The following WDFY2 variants were observed in gnomAD, a reference collection of about 807,000 sequenced individuals.
WDFY2 encodes WD repeat and FYVE domain containing 2, also known as WD repeat and FYVE domain-containing protein 2.
In WDFY2, 36 loss-of-function variants were observed where a neutral mutation model predicts 56.4. The observed-to-expected ratio is 0.64, with a 90% CI of 0.49 to 0.84. The LOEUF is 0.84. WDFY2 is among the 40% of genes least tolerant of loss of function. The pLI, the probability that WDFY2 is intolerant of heterozygous loss-of-function variation, is 0.00. For synonymous variants in WDFY2, 176 were observed against 183.7 expected (o/e 0.96, Z 0.34); for missense variants, 444 against 512.2 (o/e 0.87, Z 1.29).
intron 1 of WDFY2, among the ~76,000 whole-genome samples, chr13:51,658,892 C>G (rs150541216): frequency 6.6e-6 from 1 of 151,950 alleles, no homozygotes; most frequent in Non-Finnish European, 1.5e-5. Flanking sequence ...TTGGTCTAGT[C>G]TTTTTCCTAC....
At position 51,695,431 on chromosome 13, in the gene WDFY2, G is replaced by A. The variant is rs965244457; in HGVS notation, c.280-8165G>A. Among the ~76,000 whole-genome samples, 8 of 152,294 alleles carry A rather than the reference G, an allele frequency of 5.3e-5. 1 individual carries two copies. The South Asian group carries it at 6.2e-4, about 12-fold the overall frequency. Reference sequence around the variant, plus strand: ...GACCCTCAGCTGTATGTCTGTTGGAGTTTGCTAGAGGTCCACTCCAGACCC... The same window carrying A: ...GACCCTCAGCTGTATGTCTGTTGGAATTTGCTAGAGGTCCACTCCAGACCC... On this transcript the variant is annotated intron_variant, in intron 3 of 11. Coordinates refer to ENST00000298125, the MANE Select transcript of WDFY2 (RefSeq NM_052950.4).
At chr13:51,629,267 A>G (rs756918140) in intron 1 of WDFY2, among the ~76,000 whole-genome samples, 1 of 152,214 alleles carries the variant, frequency 6.6e-6, no homozygotes, top group Admixed American at 6.5e-5. Flanking sequence ...ATGTAGATAG[A>G]TTACAGTAGA....
intron 1 of WDFY2, among the ~76,000 whole-genome samples, chr13:51,604,896 T>C (rs979545150): frequency 1.3e-5 from 2 of 152,208 alleles, no homozygotes; most frequent in African/African-American, 2.4e-5. Context: ...TACTGAGAGG[T>C]AGCATAGTTC....
At position 51,758,028 on chromosome 13, in the gene WDFY2, A is replaced by G. The variant is rs537711341; in HGVS notation, c.1065-164A>G. On this transcript the variant is annotated intron_variant, in intron 10 of 11. Transcript: ENST00000298125. The stretch of plus-strand genomic sequence containing the variant: ...ATAAGATTTCTTGTATTTTTTTTTT[A>G]TCATAACTGGTCACCAGGGAATAAA... 2.7e-5 allele frequency among the ~76,000 whole-genome samples: 4 copies of G among 150,496 alleles called. No homozygotes were observed. In the East Asian group the frequency reaches 7.8e-4, roughly 30 times the overall value.
At position 51,663,929 on chromosome 13, in the gene WDFY2, TTTATTAAAATGAC is replaced by T. The variant is rs1206292346; in HGVS notation, c.205+3272_205+3284del. Among the ~76,000 whole-genome samples the T allele has an allele frequency of 2.6e-4, 39 of 152,242 alleles. 1 individual carries two copies. Among genetic ancestry groups the T allele is most frequent in the African/African-American group, 7.5e-4 (31 of 41,462 alleles). ...AAATAAAAAGAAAATATTCTGTGCA[TTTATTAAAATGAC>T]TTATTTGTTAATTTTGTCCATTAAA... On this transcript the variant is annotated intron_variant, in intron 2 of 11. Coordinates refer to ENST00000298125, the MANE Select transcript of WDFY2 (RefSeq NM_052950.4).
chr13:51,757,378 G>T (rs1029379907), intron 10 of WDFY2, among the ~76,000 whole-genome samples: 8 of 151,952 alleles, frequency 5.3e-5, no homozygotes, highest in African/African-American at 1.9e-4. Context: ...TTACAGTTAA[G>T]CCTAAATCTT....
At chr13:51,712,840 TTA>T (rs1367037758) in intron 4 of WDFY2, among the ~76,000 whole-genome samples, 1 of 152,032 alleles carries the variant, frequency 6.6e-6, no homozygotes, top group Non-Finnish European at 1.5e-5. Context: ...ATATGTAATA[TTA>T]TGAACAACTT....
intron 1 of WDFY2, among the ~76,000 whole-genome samples, chr13:51,628,331 C>T (rs137981550): frequency 6.6e-5 from 10 of 152,368 alleles, no homozygotes; most frequent in Admixed American, 4.6e-4. Context: ...GACCATGTCA[C>T]GGCAGTGCCT....
At chr13:51,637,274 G>A (rs141665541) in intron 1 of WDFY2, among the ~76,000 whole-genome samples, 1 of 152,154 alleles carries the variant, frequency 6.6e-6, no homozygotes, top group East Asian at 1.9e-4. Flanking sequence ...AGGGGATGGG[G>A]CAATGCAATG....
At chr13:51,646,215 G>A (rs61958304) in intron 1 of WDFY2, among the ~76,000 whole-genome samples, 1 of 152,162 alleles carries the variant, frequency 6.6e-6, no homozygotes, top group East Asian at 1.9e-4. Context: ...CCTCAGCATC[G>A]GTGGCCTTCT....
chr13:51,729,281 A>C (rs538832823), intron 6 of WDFY2, among the ~76,000 whole-genome samples: 1 of 151,822 alleles, frequency 6.6e-6, no homozygotes, highest in Middle Eastern at 3.4e-3. Flanking sequence ...GTTGCCTAAT[A>C]ATCCCTCTCC....
chr13:51,678,025 C>G (rs968828014), intron 3 of WDFY2, among the ~76,000 whole-genome samples: 1 of 152,152 alleles, frequency 6.6e-6, no homozygotes, highest in African/African-American at 2.4e-5. Flanking sequence ...CTTTTCTAAT[C>G]ATATAGCTCA....
intron 4 of WDFY2, among the ~76,000 whole-genome samples, chr13:51,715,573 A>T (rs1952326695): frequency 6.6e-6 from 1 of 152,112 alleles, no homozygotes; most frequent in Admixed American, 6.6e-5. Flanking sequence ...TTCCTGCAGG[A>T]CCTGCATGAG....
intron 1 of WDFY2, chr13:51,586,167 C>T (rs1304021930): frequency 2.5e-6 from 1 of 397,788 alleles, no homozygotes; most frequent in African/African-American, 2.1e-5. Context: ...TTGATTTTTT[C>T]CATAAAGGCA....
chr13:51,737,427 C>T (rs1952862580), intron 6 of WDFY2, among the ~76,000 whole-genome samples: 1 of 151,700 alleles, frequency 6.6e-6, no homozygotes, highest in Non-Finnish European at 1.5e-5. Context: ...TTTGTCCAGG[C>T]TTATTGAGTG....
rs1179343278 is a variant in WDFY2, at chr13:51,766,402, CAT to C, written c.*6636_*6637del. The C allele has an allele frequency of 6.6e-6, 1 of 152,204 alleles. No homozygotes were observed. Among genetic ancestry groups the C allele is most frequent in the Admixed American group, 6.5e-5 (1 of 15,278 alleles). The allele number at this position is 152,204 out of a possible 1,614,324, so 9.4% of individuals were successfully genotyped here. Reference sequence around the variant, plus strand: ...CAAGTCTGGACCTGGCTGCAGTGGGCATATTACCGTATGGATATCTTTTTCTT... The same window carrying C: ...CAAGTCTGGACCTGGCTGCAGTGGGCATTACCGTATGGATATCTTTTTCTT... On this transcript the variant is annotated 3_prime_UTR_variant, in exon 12 of 12. Coordinates refer to ENST00000298125, the MANE Select transcript of WDFY2 (RefSeq NM_052950.4).
At chr13:51,716,464 G>A (rs889931828) in intron 4 of WDFY2, among the ~76,000 whole-genome samples, 11 of 151,692 alleles carry the variant, frequency 7.3e-5, no homozygotes, top group Admixed American at 1.3e-4. Context: ...AGGCCGAGGC[G>A]GGCGGATCAC....
rs949106096 is a variant in WDFY2, at chr13:51,761,343, CTTA to C, written c.*1577_*1579del. The C allele has an allele frequency of 1.3e-5, 2 of 152,148 alleles. No individual in the cohort carries two copies. Among genetic ancestry groups the C allele is most frequent in the African/African-American group, 4.8e-5 (2 of 41,448 alleles). 9.4% of individuals were successfully genotyped at this position (152,148 alleles called of 1,614,324 possible). Reference sequence around the variant, plus strand: ...GGATATTGAAGTCCCTTTTAAAAATCTTATTTTCACCTGTAAAAATAGAATAAA... The same window carrying C: ...GGATATTGAAGTCCCTTTTAAAAATCTTTTCACCTGTAAAAATAGAATAAA... On this transcript the variant is annotated 3_prime_UTR_variant, in exon 12 of 12. Transcript: ENST00000298125.
rs183107239 is a variant in WDFY2 at position 51,651,283 on chromosome 13, C to T, written c.138-9313C>T. ...ATATCCCCTTTATCATTTTTTATTGCGTCTGTTTGATTCTTCTCTCTTTTC... is the reference window on the plus strand; with the variant it reads ...ATATCCCCTTTATCATTTTTTATTGTGTCTGTTTGATTCTTCTCTCTTTTC... On this transcript the variant is annotated intron_variant, in intron 1 of 11. Transcript: ENST00000298125. Among the ~76,000 whole-genome samples the T allele has an allele frequency of 1.5e-3, 226 of 152,088 alleles. 1 individual carries two copies. Among genetic ancestry groups the T allele is most frequent in the Non-Finnish European group, 2.4e-3 (165 of 67,978 alleles).
Sources: allele counts gnomAD v4.1 joint callset (sites outside exome capture counted in the v4.1 genomes callset), GRCh38; gene constraint gnomAD v4.1.1; transcripts MANE v1.5; gene names NCBI Gene and HGNC (gene_info 2026-07-23, HGNC 2026-07-21).